The following SEMA4G variants were observed in gnomAD, a reference collection of about 807,000 sequenced individuals.
SEMA4G encodes the protein semaphorin-4G.
A neutral mutation model predicts 81.2 loss-of-function variants in SEMA4G; 59 were observed. The ratio of observed to expected loss-of-function variants is 0.73; its 90% confidence interval spans 0.59 to 0.90. SEMA4G has a LOEUF of 0.90. SEMA4G is among the 40% of genes least tolerant of loss of function. The pLI, the probability that SEMA4G is intolerant of heterozygous loss-of-function variation, is 0.00. For missense variants in SEMA4G, 952 were observed against 1,102.3 expected (o/e 0.86, Z 1.93); for synonymous variants, 404 against 433.9 (o/e 0.93, Z 0.86).
chr10:100,972,772 C>T (rs1266084809), exon 1 of SEMA4G: 1 of 814,640 alleles, frequency 1.2e-6, no homozygotes, highest in African/African-American at 1.7e-5. Flanking sequence ...TTCCTTGACT[C>T]CTATGACCTT....
intron 4 of SEMA4G, chr10:100,978,019 GTGT>G: frequency 5.3e-6 from 3 of 570,856 alleles, no homozygotes; most frequent in Non-Finnish European, 9.4e-6. Context: ...TGGACAGCAT[GTGT>G]TCCACAGGAT....
At chr10:100,972,182 T>C (rs1850654139), upstream of SEMA4G, among the ~76,000 whole-genome samples, 2 of 152,332 alleles carry the variant, frequency 1.3e-5, no homozygotes, top group East Asian at 3.9e-4. Context: ...CAGGGGCAGC[T>C]GCTGACCGAG....
exon 1 of SEMA4G, chr10:100,972,792 G>A: frequency 2.8e-6 from 3 of 1,081,534 alleles, no homozygotes; most frequent in Non-Finnish European, 4.0e-6. Context: ...TATGACCCCT[G>A]ACCTTCCAAG....
intron 12 of SEMA4G, 30 bp downstream of exon 13, chr10:100,981,027 T>A: frequency 6.3e-7 from 1 of 1,594,660 alleles, no homozygotes; most frequent in Non-Finnish European, 8.5e-7. Context: ...GACAGTCACA[T>A]GTGGTCTGAG....
intron 9 of SEMA4G, 52 bp downstream of exon 10, chr10:100,980,044 G>A: frequency 1.9e-6 from 3 of 1,613,790 alleles, no homozygotes; most frequent in Non-Finnish European, 2.5e-6. Flanking sequence ...CCAGGGAAGG[G>A]TCAAAGGGTC....
At chr10:100,978,816 T>C (rs753795679) in intron 6 of SEMA4G, 33 bp from the exon 8 acceptor site, 1 of 1,606,512 alleles carries the variant, frequency 6.2e-7, no homozygotes, top group South Asian at 1.1e-5. Flanking sequence ...CCCCAGCCTG[T>C]CTCAAAAGCC....
chr10:100,983,546 C>T lies in SEMA4G; in HGVS notation c.1932C>T (p.Ala644=), dbSNP rs757318232. The T allele has an allele frequency of 5.6e-5, 90 of 1,613,942 alleles. No homozygotes were observed. In the South Asian group the frequency reaches 9.4e-4, roughly 17 times the overall value. ...AAAATGGCCTCCGCACCCTGCTGGCCTCCTATAGTCTCACAGTCCGGCCAG... is the reference window on the plus strand; with the variant it reads ...AAAATGGCCTCCGCACCCTGCTGGCTTCCTATAGTCTCACAGTCCGGCCAG... Residue 644 remains alanine, a synonymous_variant, in exon 14 of 14, where the codon GCC becomes GCT. Coordinates refer to ENST00000370250, the Ensembl canonical transcript of SEMA4G.
exon 14 of SEMA4G, chr10:100,983,990 T>C (rs746374262): frequency 2.5e-6 from 4 of 1,604,746 alleles, no homozygotes; most frequent in South Asian, 2.2e-5. Context: ...GGAGGATGAA[T>C]GGCAATAGCT....
chr10:100,979,905 C>T (rs1850979346), exon 9 of SEMA4G: 1 of 1,613,992 alleles, frequency 6.2e-7, no homozygotes, highest in African/African-American at 1.3e-5. Context: ...TCCAGGCTGT[C>T]TTTGCAGGAC....
intron 10 of SEMA4G, 52 bp from the exon 12 acceptor site, chr10:100,980,526 C>T: frequency 1.3e-6 from 2 of 1,519,088 alleles, no homozygotes; most frequent in Non-Finnish European, 1.8e-6. Flanking sequence ...TTGCAGGGTG[C>T]TGAGAGCAGA....
At chr10:100,977,498 G>A in intron 3 of SEMA4G, 134 bp from the exon 5 acceptor site, 1 of 722,550 alleles carries the variant, frequency 1.4e-6, no homozygotes, top group Non-Finnish European at 2.5e-6. Context: ...GGAGCAGTGA[G>A]AAGGATCACA....
Position 100,979,140 on chromosome 10 carries a change from G to A in SEMA4G, c.852G>A (p.Trp284Ter). 6.2e-7 allele frequency: 1 copy of A among 1,614,164 alleles called. No homozygotes were observed. The highest frequency in any genetic ancestry group is 8.5e-7 in the Non-Finnish European group (1 of 1,180,038). Residue 284 changes from tryptophan (W) to a stop codon, truncating the protein, a stop_gained, in exon 8 of 14, where the codon TGG (tryptophan) becomes TGA (stop). Coordinates refer to ENST00000370250, the Ensembl canonical transcript of SEMA4G. LOFTEE classifies it high-confidence loss of function. ...GGAAGAAGATCCTGCAGAAGAAGTG[G>A]ACTTCCTTCCTGAAAGCCCGTCTCA...
In SEMA4G at chr10:100,973,257, G is replaced by A; in HGVS notation, c.253G>A (p.Gly85Arg). The A allele has an allele frequency of 1.2e-6, 2 of 1,613,204 alleles. No individual in the cohort carries two copies. Residue 85 changes from glycine to arginine, a missense_variant, in exon 2 of 14, where the codon GGA becomes AGA. Gly to Arg is a moderately radical substitution (Grantham distance 125). Around this residue, in one of 3 missense-constraint regions of SEMA4G, gnomAD observed 436 missense variants for 488.2 expected, o/e 0.89. Transcript: ENST00000370250. The surrounding 1 kb of genome is among the most constrained non-coding windows in gnomAD (Gnocchi z 5.5). ...GTTCTCTCTCAGTGCCAACGACATA[G>A]GAGATGGGGCTCACAAAGAGGTCAG...
In SEMA4G at chr10:100,984,094, C is replaced by G. The variant is rs150436471; in HGVS notation, c.2480C>G (p.Thr827Arg). The G allele has an allele frequency of 1.1e-4, 182 of 1,613,276 alleles. No individual in the cohort carries two copies. The highest frequency in any genetic ancestry group is 1.7e-4 in the Middle Eastern group (1 of 6,060). Reference sequence around the variant, plus strand: ...CGCATCCTGGAAAAAAGGAAGCACACGCAGCTCGTGGAGCAGCTAGATGAG... The same window carrying G: ...CGCATCCTGGAAAAAAGGAAGCACAGGCAGCTCGTGGAGCAGCTAGATGAG... The change falls in exon 14 of 14, where the codon ACG becomes AGG. Residue 827 changes from threonine (T) to arginine (R), a missense_variant. Around this residue, in one of 3 missense-constraint regions of SEMA4G, gnomAD observed 385 missense variants for 413.5 expected, o/e 0.93. Coordinates refer to ENST00000370250, the Ensembl canonical transcript of SEMA4G.
downstream of SEMA4G, chr10:100,985,234 A>G (rs1851382067): frequency 4.2e-6 from 1 of 240,538 alleles, no homozygotes; most frequent in Non-Finnish European, 8.1e-6. Context: ...GGAACTATGC[A>G]AAGGGCAGAG....
chr10:100,984,298 C>A, exon 14 of SEMA4G: 1 of 1,439,270 alleles, frequency 6.9e-7, no homozygotes, highest in Non-Finnish European at 9.1e-7. Context: ...GCCAAAGCCC[C>A]CTCCTCAGTC....
At chr10:100,980,271 C>T in exon 10 of SEMA4G, 1 of 1,614,246 alleles carries the variant, frequency 6.2e-7, no homozygotes. Flanking sequence ...GCAACATACG[C>T]TACACACACC....
In SEMA4G at chr10:100,981,151, C is replaced by T. The variant is rs766282734; in HGVS notation, c.1629-17C>T. ...ACCCAGTTCCCCTTGTTCATAAAAC[C>T]TGATCTTCTGTCCCAGGACAGCACT... On this transcript the variant is annotated splice_polypyrimidine_tract_variant and intron_variant, in intron 12 of 13. Transcript: ENST00000370250. The T allele has an allele frequency of 2.5e-6, 4 of 1,613,984 alleles. No individual in the cohort carries two copies. The highest frequency in any genetic ancestry group is 2.2e-5 in the South Asian group (2 of 91,092).
At chr10:100,980,985 C>G in intron 12 of SEMA4G, 1 of 1,597,560 alleles carries the variant, frequency 6.3e-7, no homozygotes, top group Non-Finnish European at 8.5e-7. Context: ...GCCAACAGGT[C>G]CCAGGGAAGC....
Sources: allele counts gnomAD v4.1 joint callset (sites outside exome capture counted in the v4.1 genomes callset), GRCh38; gene constraint gnomAD v4.1.1; regional missense constraint gnomAD v4.1.1; non-coding constraint Gnocchi (gnomAD v3.1); transcripts MANE v1.5; gene names NCBI Gene and HGNC (gene_info 2026-07-23, HGNC 2026-07-21).